The following PTPRQ variants were observed in gnomAD, a reference collection of about 807,000 sequenced individuals.
PTPRQ encodes protein tyrosine phosphatase receptor type Q.
In PTPRQ, 199 loss-of-function variants were observed where a neutral mutation model predicts 246.0. That is an observed-to-expected ratio of 0.81 (90% confidence interval 0.72 to 0.91). The LOEUF (loss-of-function observed/expected upper bound fraction) is 0.91, where lower values mean the gene tolerates loss of function less well. PTPRQ is among the 40% of genes least tolerant of loss of function. PTPRQ has a pLI of 0.00. For synonymous variants in PTPRQ, 869 were observed against 853.2 expected (o/e 1.02, Z -0.32); for missense variants, 2,624 against 2,528.4 (o/e 1.04, Z -0.81).
chr12:80,518,782 A>G (rs1038105817), intron 17 of PTPRQ, among the ~76,000 whole-genome samples: 1 of 152,042 alleles, frequency 6.6e-6, no homozygotes, highest in Non-Finnish European at 1.5e-5. Flanking sequence ...GAATGAGTTC[A>G]TTGTAGGTAT....
chr12:80,635,093 T>A lies in PTPRQ; in HGVS notation c.5915+20T>A, dbSNP rs376220930. ...AACGCGGTGAGCACACTCCTCTGGG[T>A]GAACTGTGGTCCAGAGGGCCTGGAG... On this transcript the variant is annotated intron_variant, in intron 35 of 44. Coordinates refer to ENST00000644991, the MANE Select transcript of PTPRQ (RefSeq NM_001145026.2). 3.9e-6 allele frequency: 6 copies of A among 1,548,548 alleles called. No homozygotes were observed. In the African/African-American group the frequency reaches 6.9e-5, roughly 18 times the overall value.
chr12:80,608,095 C>T (rs868273753), intron 27 of PTPRQ, among the ~76,000 whole-genome samples: 5 of 149,870 alleles, frequency 3.3e-5, no homozygotes, highest in Middle Eastern at 6.8e-3. Flanking sequence ...TAGGACTTGA[C>T]GAATGAATAG....
rs184204208 is a variant in PTPRQ at position 80,454,446 on chromosome 12, G to T, written c.391-3129G>T. On this transcript the variant is annotated intron_variant, in intron 3 of 44. Transcript: ENST00000644991. ...GTACCTCAGATGGAAATGCAGAAATGGATGCCTTTTATTTCTTTCTCTTGC... is the reference window on the plus strand; with the variant it reads ...GTACCTCAGATGGAAATGCAGAAATTGATGCCTTTTATTTCTTTCTCTTGC... The T allele has an allele frequency of 1.6e-3, 959 of 594,590 alleles. 3 individuals carry two copies. Among genetic ancestry groups the T allele is most frequent in the Non-Finnish European group, 1.8e-3 (588 of 334,662 alleles). 36.8% of individuals were successfully genotyped at this position (594,590 alleles called of 1,614,324 possible). A position where few individuals can be genotyped will look rare whatever the true frequency, so the allele number is the denominator to read the frequency against.
intron 37 of PTPRQ, among the ~76,000 whole-genome samples, chr12:80,652,540 G>A (rs752206210): frequency 6.6e-6 from 1 of 151,876 alleles, no homozygotes; most frequent in Non-Finnish European, 1.5e-5. Flanking sequence ...GCAAAACCCA[G>A]CTGACCAACT....
At chr12:80,646,288 G>A (rs1189052111) in intron 35 of PTPRQ, among the ~76,000 whole-genome samples, 1 of 152,034 alleles carries the variant, frequency 6.6e-6, no homozygotes, top group Non-Finnish European at 1.5e-5. Flanking sequence ...GGAAACTGAG[G>A]CACAGAAAAA....
In PTPRQ at chr12:80,541,644, G is replaced by A. The variant is rs758331777; in HGVS notation, c.3244G>A (p.Gly1082Ser). 69 of 1,549,342 alleles carry A rather than the reference G, an allele frequency of 4.5e-5. 1 individual carries two copies. Among genetic ancestry groups the A allele is most frequent in the African/African-American group, 8.2e-5 (6 of 72,928 alleles). ...CTGGGTCCCACCGGCTCAACCAAAC[G>A]GTCTAGTCTTCTACTATGTTTCACT... ...VSWVPPAQPN[G>S]LVFYYVSLIL... Residue 1082 changes from glycine to serine, a missense_variant, in exon 21 of 45, where the codon GGT (glycine) becomes AGT (serine). Coordinates refer to ENST00000644991, the MANE Select transcript of PTPRQ (RefSeq NM_001145026.2).
intron 26 of PTPRQ, among the ~76,000 whole-genome samples, chr12:80,595,037 G>A (rs1161505187): frequency 6.6e-6 from 1 of 152,106 alleles, no homozygotes; most frequent in African/African-American, 2.4e-5. Context: ...CACATGCACT[G>A]TTCTTTCTCC....
At chr12:80,593,570 T>C (rs1270234602) in intron 26 of PTPRQ, 1 of 152,174 alleles carries the variant, frequency 6.6e-6, no homozygotes, top group Non-Finnish European at 1.5e-5. Context: ...GCTTTTGTTC[T>C]CAACTAATCC....
chr12:80,539,838 T>A lies in PTPRQ; in HGVS notation c.3048T>A (p.Asp1016Glu), dbSNP rs1184864479. 5 of 1,548,988 alleles carry A rather than the reference T, an allele frequency of 3.2e-6. No individual in the cohort carries two copies. The East Asian group carries it at 1.2e-4, about 38-fold the overall frequency. The change falls in exon 20 of 45, where the codon GAT becomes GAA. Residue 1016 changes from aspartate to glutamate, a missense_variant. Transcript: ENST00000644991. ...ATATGACTGTATCCACAATTATAGA[T>A]AAACTGACAATATTCAGCTACTATA... The part of the protein sequence containing the change: ...FDNMTVSTII[D>E]KLTIFSYYTF...
chr12:80,618,144 A>T (rs1483257890), intron 30 of PTPRQ, among the ~76,000 whole-genome samples: 1 of 151,458 alleles, frequency 6.6e-6, no homozygotes, highest in Non-Finnish European at 1.5e-5. Context: ...CTGATGCTCA[A>T]AAAAGAGTGA....
At chr12:80,611,518 T>G (rs1898550215) in intron 28 of PTPRQ, among the ~76,000 whole-genome samples, 1 of 150,316 alleles carries the variant, frequency 6.7e-6, no homozygotes, top group African/African-American at 2.4e-5. Flanking sequence ...CTGCCAAGTA[T>G]CACAGGTATC....
At chr12:80,474,444 G>A (rs1339806702) in intron 8 of PTPRQ, among the ~76,000 whole-genome samples, 1 of 152,074 alleles carries the variant, frequency 6.6e-6, no homozygotes, top group Admixed American at 6.5e-5. Flanking sequence ...AATGTTATGT[G>A]CTATTACATT....
intron 14 of PTPRQ, among the ~76,000 whole-genome samples, chr12:80,498,078 T>C (rs1296322683): frequency 6.6e-6 from 1 of 152,052 alleles, no homozygotes; most frequent in Non-Finnish European, 1.5e-5. Context: ...AAGGAGCATT[T>C]TACATTATCA....
intron 35 of PTPRQ, among the ~76,000 whole-genome samples, chr12:80,638,319 T>G (rs1899733999): frequency 6.6e-6 from 1 of 151,938 alleles, no homozygotes; most frequent in African/African-American, 2.4e-5. Flanking sequence ...CTCTACTTGA[T>G]TCTTAGGCAT....
intron 17 of PTPRQ, among the ~76,000 whole-genome samples, chr12:80,523,482 GCTTT>G (rs1484596967): frequency 6.6e-6 from 1 of 152,084 alleles, no homozygotes; most frequent in East Asian, 1.9e-4. Context: ...GATCTTTCCT[GCTTT>G]CTCTTGTGGG....
chr12:80,498,832 A>G (rs1343342144), intron 14 of PTPRQ, among the ~76,000 whole-genome samples: 2 of 152,052 alleles, frequency 1.3e-5, no homozygotes, highest in Non-Finnish European at 2.9e-5. Context: ...TATTTTAATG[A>G]TGAATTATAA....
At chr12:80,477,838 G>C (rs7979591) in intron 8 of PTPRQ, among the ~76,000 whole-genome samples, 2,986 of 152,268 alleles carry the variant, frequency 0.02, 97 homozygotes, top group African/African-American at 0.067. Context: ...AAAAAACGGC[G>C]CACCACGAGA....
Position 80,452,861 on chromosome 12 carries a change from G to A in PTPRQ, c.391-4714G>A, listed in dbSNP as rs561434767. 2.3e-3 allele frequency among the ~76,000 whole-genome samples: 353 copies of A among 152,120 alleles called. 1 individual carries two copies. The highest frequency in any genetic ancestry group is 5.8e-3 in the South Asian group (28 of 4,806). On this transcript the variant is annotated intron_variant, in intron 3 of 44. Coordinates refer to ENST00000644991, the MANE Select transcript of PTPRQ (RefSeq NM_001145026.2). ...TATGTGTCTTGGAGTCGCTCTTCTCGAGGAGTATCTTTGTAGCGTTCTCTG... is the reference window on the plus strand; with the variant it reads ...TATGTGTCTTGGAGTCGCTCTTCTCAAGGAGTATCTTTGTAGCGTTCTCTG...
intron 14 of PTPRQ, among the ~76,000 whole-genome samples, chr12:80,503,272 G>A (rs111530404): frequency 0.012 from 1,863 of 151,928 alleles, 45 homozygotes; most frequent in African/African-American, 0.042. Context: ...TTTCCTCAAT[G>A]TAATGGGTTG....
Sources: gnomAD v4.1 joint callset for allele counts (sites outside exome capture counted in the v4.1 genomes callset) on GRCh38, gnomAD v4.1.1 for gene constraint, MANE v1.5 for transcripts, NCBI Gene and HGNC (gene_info 2026-07-23, HGNC 2026-07-21) for gene names.